PIK3C2G: variants seen among roughly 807,000 people sequenced by gnomAD.
PIK3C2G encodes phosphatidylinositol 3-kinase C2 domain-containing subunit gamma.
A neutral mutation model predicts 181.1 loss-of-function variants in PIK3C2G; 168 were observed. That is an observed-to-expected ratio of 0.93 (90% CI 0.82 to 1.05). The LOEUF is 1.05. PIK3C2G is among the 50% of genes least tolerant of loss of function. PIK3C2G has a pLI of 0.00. For missense variants in PIK3C2G, 1,869 were observed against 1,732.8 expected, an observed-to-expected ratio of 1.08 and a Z score of -1.40; for synonymous variants, 573 against 592.2, an observed-to-expected ratio of 0.97 and a Z score of 0.47.
At chr12:18,625,638 A>G (rs1949064502) in intron 31 of PIK3C2G, among the ~76,000 whole-genome samples, 1 of 151,760 alleles carries the variant, frequency 6.6e-6, no homozygotes, top group African/African-American at 2.4e-5. Flanking sequence ...CCCTACCATT[A>G]TTGTATTGAG....
intron 18 of PIK3C2G, among the ~76,000 whole-genome samples, chr12:18,429,594 TC>T (rs1265030739): frequency 6.6e-6 from 1 of 151,892 alleles, no homozygotes; most frequent in Non-Finnish European, 1.5e-5. Flanking sequence ...CCCTGTCCCT[TC>T]CCCCTCTTAG....
intron 29 of PIK3C2G, among the ~76,000 whole-genome samples, chr12:18,589,235 G>A (rs1222615867): frequency 6.6e-6 from 1 of 151,682 alleles, no homozygotes; most frequent in Non-Finnish European, 1.5e-5. Context: ...ATCTATTTAT[G>A]GATCTATTAA....
rs773719271 is a variant in PIK3C2G, at chr12:18,546,443, C to T, written c.3590+11C>T. On this transcript the variant is annotated intron_variant, in intron 26 of 32. Coordinates refer to ENST00000538779, the MANE Select transcript of PIK3C2G (RefSeq NM_001288772.2). ...AAGTCATTTTACCAAGTAAGATCAC[C>T]TATGAATGTGTGAGCATGCATGCAT... 2.8e-6 allele frequency: 4 copies of T among 1,423,850 alleles called. No individual in the cohort carries two copies. Among genetic ancestry groups the T allele is most frequent in the Non-Finnish European group, 3.9e-6 (4 of 1,017,934 alleles). 88.2% of individuals were successfully genotyped at this position (1,423,850 alleles called of 1,614,324 possible).
the PIK3C2G span, chr12:18,714,791 G>T: frequency 1.4e-4 from 21 of 152,004 alleles, no homozygotes; most frequent in Non-Finnish European, 1.5e-4. Context: ...AGCAGGTAAC[G>T]GTCACAATGC....
the PIK3C2G span, chr12:18,693,923 T>C: frequency 1.3e-6 from 2 of 1,526,328 alleles, no homozygotes; most frequent in Non-Finnish European, 9.1e-7. Flanking sequence ...CCTGCACGAC[T>C]TGATCATGGC....
chr12:18,613,368 G>T (rs1282573851), intron 31 of PIK3C2G, among the ~76,000 whole-genome samples: 2 of 151,946 alleles, frequency 1.3e-5, no homozygotes, highest in Non-Finnish European at 2.9e-5. Context: ...ACTCAAAGGT[G>T]GTACCTTCAA....
At position 18,373,863 on chromosome 12, in the gene PIK3C2G, A is replaced by C. The variant is rs1592095973; in HGVS notation, c.1880+2552A>C. ...GCGAGACTCCGTCTAAAAAAAAAAA[A>C]AATGCTCAAGTCCAAAGGTAAATTT... On this transcript the variant is annotated intron_variant, in intron 13 of 32. Coordinates refer to ENST00000538779, the MANE Select transcript of PIK3C2G (RefSeq NM_001288772.2). Among the ~76,000 whole-genome samples, 4 of 152,224 alleles carry C rather than the reference A, an allele frequency of 2.6e-5. No homozygotes were observed. The South Asian group carries it at 8.3e-4, about 32-fold the overall frequency.
intron 29 of PIK3C2G, among the ~76,000 whole-genome samples, chr12:18,588,897 A>G: frequency 6.6e-6 from 1 of 152,140 alleles, no homozygotes; most frequent in East Asian, 1.9e-4. Flanking sequence ...TACACCATGA[A>G]ATGCTATGCG....
chr12:18,542,291 G>T (rs1371098649), intron 25 of PIK3C2G, among the ~76,000 whole-genome samples: 4 of 151,828 alleles, frequency 2.6e-5, no homozygotes, highest in Non-Finnish European at 5.9e-5. Context: ...AGATTCTAGT[G>T]GCTATCGGGA....
chr12:18,357,201 A>C (rs1351553402), intron 11 of PIK3C2G, among the ~76,000 whole-genome samples: 1 of 152,206 alleles, frequency 6.6e-6, no homozygotes, highest in Non-Finnish European at 1.5e-5. Context: ...CTACTTGCAG[A>C]GAATTTCTAT....
chr12:18,429,819 C>T (rs943548973), intron 18 of PIK3C2G, among the ~76,000 whole-genome samples: 12 of 152,186 alleles, frequency 7.9e-5, no homozygotes, highest in East Asian at 1.9e-4. Flanking sequence ...CACTGCTGTG[C>T]GCCTCTACCT....
At chr12:18,265,795 C>T (rs889630738) in intron 1 of PIK3C2G, among the ~76,000 whole-genome samples, 1 of 151,938 alleles carries the variant, frequency 6.6e-6, no homozygotes, top group Admixed American at 6.6e-5. Flanking sequence ...GGGCAGATCA[C>T]CTGAGGTCAG....
intron 13 of PIK3C2G, among the ~76,000 whole-genome samples, chr12:18,379,343 A>T (rs1255993981): frequency 1.6e-5 from 2 of 123,612 alleles, no homozygotes; most frequent in Non-Finnish European, 3.2e-5. Flanking sequence ...GAAGGAGAAC[A>T]TCACACACTG....
chr12:18,645,773 T>C (rs905813819), intron 32 of PIK3C2G, among the ~76,000 whole-genome samples: 5 of 152,198 alleles, frequency 3.3e-5, no homozygotes, highest in Admixed American at 3.3e-4. Flanking sequence ...AAACACACAG[T>C]TGACAACAGA....
At chr12:18,497,844 C>T (rs887253739) in intron 22 of PIK3C2G, 96 bp downstream of exon 22, 1 of 916,910 alleles carries the variant, frequency 1.1e-6, no homozygotes, top group Non-Finnish European at 1.5e-6. Flanking sequence ...TCGTTTTAAA[C>T]TACAAGTTTG....
the PIK3C2G span, among the ~76,000 whole-genome samples, chr12:18,670,272 T>C: frequency 6.6e-6 from 1 of 151,820 alleles, no homozygotes; most frequent in Non-Finnish European, 1.5e-5. Flanking sequence ...TCTCCACAAT[T>C]ACAGAAATTA....
chr12:18,472,183 T>C (rs1938524544), intron 18 of PIK3C2G, among the ~76,000 whole-genome samples: 1 of 152,198 alleles, frequency 6.6e-6, no homozygotes, highest in Admixed American at 6.5e-5. Flanking sequence ...AAGAAACAGA[T>C]TAAGCAGAAA....
At chr12:18,524,423 T>A (rs1943104569) in intron 24 of PIK3C2G, among the ~76,000 whole-genome samples, 1 of 152,164 alleles carries the variant, frequency 6.6e-6, no homozygotes, top group East Asian at 1.9e-4. Flanking sequence ...CTAATTGAAT[T>A]TCTGGGTATG....
chr12:18,614,378 G>T (rs540021483), intron 31 of PIK3C2G, among the ~76,000 whole-genome samples: 28 of 152,086 alleles, frequency 1.8e-4, no homozygotes, highest in Non-Finnish European at 4.4e-5. Flanking sequence ...ACCATTAATT[G>T]TTCTAAAACC....
Sources: allele counts gnomAD v4.1 joint callset (sites outside exome capture counted in the v4.1 genomes callset), GRCh38; gene constraint gnomAD v4.1.1; transcripts MANE v1.5; gene names NCBI Gene and HGNC (gene_info 2026-07-23, HGNC 2026-07-21).